The following HPSE2 variants were observed in gnomAD, a reference collection of about 807,000 sequenced individuals.
The protein encoded by HPSE2 is heparanase 2 (inactive), also known as inactive heparanase-2.
HPSE2 carries 38 observed loss-of-function variants against 60.5 expected under a neutral mutation model. The ratio of observed to expected loss-of-function variants is 0.63; its 90% CI spans 0.48 to 0.82. The LOEUF (loss-of-function observed/expected upper bound fraction) is 0.82, where lower values mean the gene tolerates loss of function less well. HPSE2 is among the 40% of genes least tolerant of loss of function. The pLI is 0.00. For synonymous variants in HPSE2, 295 were observed against 293.2 expected (o/e 1.01, Z -0.06); for missense variants, 713 against 740.4 (o/e 0.96, Z 0.43).
chr10:99,120,398 GATA>G (rs1462786678), intron 3 of HPSE2, among the ~76,000 whole-genome samples: 3 of 151,708 alleles, frequency 2.0e-5, no homozygotes, highest in African/African-American at 4.8e-5. Flanking sequence ...CCATTTCAAA[GATA>G]ATAACAGTCA....
chr10:99,208,800 T>C (rs1164461391), intron 2 of HPSE2, among the ~76,000 whole-genome samples: 3 of 151,306 alleles, frequency 2.0e-5, no homozygotes, highest in Admixed American at 6.6e-5. Flanking sequence ...AGGCTGAAAA[T>C]GAGGGGATGA....
intron 4 of HPSE2, among the ~76,000 whole-genome samples, chr10:98,724,669 A>T: frequency 6.6e-6 from 1 of 152,136 alleles, no homozygotes; most frequent in East Asian, 1.9e-4. Flanking sequence ...GTGCATATAT[A>T]TTTAGGATAG....
rs983343139 is a variant in HPSE2, at chr10:98,770,648, C to T, written c.611-26592G>A. On this transcript the variant is annotated intron_variant, in intron 3 of 11. Coordinates refer to ENST00000370552, the MANE Select transcript of HPSE2 (RefSeq NM_021828.5). Reference sequence around the variant, plus strand: ...AGTCTAAGATGCCTTCCCTTCTCCTCGCCTCCCCTTCCCCCAACCACAGAC... The same window carrying T: ...AGTCTAAGATGCCTTCCCTTCTCCTTGCCTCCCCTTCCCCCAACCACAGAC... 5.3e-5 allele frequency among the ~76,000 whole-genome samples: 8 copies of T among 152,076 alleles called. No homozygotes were observed. The South Asian group carries it at 8.3e-4, about 16-fold the overall frequency.
the HPSE2 span, among the ~76,000 whole-genome samples, chr10:99,249,751 G>A: frequency 6.6e-6 from 1 of 152,142 alleles, no homozygotes; most frequent in Non-Finnish European, 1.5e-5. Flanking sequence ...CCCAATTTTG[G>A]ATGAAAGGCC....
At chr10:99,234,566 C>T (rs1283782166) in intron 1 of HPSE2, among the ~76,000 whole-genome samples, 1 of 152,184 alleles carries the variant, frequency 6.6e-6, no homozygotes. Flanking sequence ...TTTTACACTG[C>T]AACTCTGTCC....
chr10:98,668,493 A>G (rs1410983262), intron 6 of HPSE2, among the ~76,000 whole-genome samples: 1 of 152,106 alleles, frequency 6.6e-6, no homozygotes, highest in East Asian at 1.9e-4. Context: ...CAGAGACATA[A>G]TGTTACCCAA....
intron 4 of HPSE2, among the ~76,000 whole-genome samples, chr10:98,738,555 G>A (rs1949415208): frequency 6.6e-6 from 1 of 152,146 alleles, no homozygotes; most frequent in Non-Finnish European, 1.5e-5. Flanking sequence ...CAGAATGAGA[G>A]AAAATTTTTG....
chr10:98,600,725 G>T, intron 9 of HPSE2, among the ~76,000 whole-genome samples: 1 of 115,216 alleles, frequency 8.7e-6, no homozygotes, highest in Non-Finnish European at 2.1e-5. Context: ...TATACTAATA[G>T]GATATATATG....
At chr10:98,921,833 CACCT>C (rs927735704) in intron 3 of HPSE2, among the ~76,000 whole-genome samples, 1 of 152,118 alleles carries the variant, frequency 6.6e-6, no homozygotes, top group Non-Finnish European at 1.5e-5. Context: ...GGAGTTCTGT[CACCT>C]ACACTCTTGT....
intron 2 of HPSE2, among the ~76,000 whole-genome samples, chr10:99,210,560 G>A (rs1161062830): frequency 1.3e-5 from 2 of 152,136 alleles, no homozygotes; most frequent in African/African-American, 4.8e-5. Context: ...CACATTAAGA[G>A]AATCATTCAC....
At chr10:98,967,506 A>C (rs562552558) in intron 3 of HPSE2, among the ~76,000 whole-genome samples, 37 of 152,178 alleles carry the variant, frequency 2.4e-4, no homozygotes, top group Admixed American at 1.3e-4. Flanking sequence ...AGCTCATGAG[A>C]TATTTGTACG....
At chr10:98,932,319 C>T (rs953660644) in intron 3 of HPSE2, among the ~76,000 whole-genome samples, 2 of 143,946 alleles carry the variant, frequency 1.4e-5, no homozygotes, top group Non-Finnish European at 3.0e-5. Flanking sequence ...GGGATAAAAC[C>T]GACCTGATCA....
intron 8 of HPSE2, among the ~76,000 whole-genome samples, chr10:98,619,678 G>T (rs1946020273): frequency 6.6e-6 from 1 of 152,072 alleles, no homozygotes; most frequent in Non-Finnish European, 1.5e-5. Context: ...CTGCTCCTCT[G>T]TGCCTTTGCT....
At chr10:98,950,253 G>A (rs778847502) in intron 3 of HPSE2, among the ~76,000 whole-genome samples, 4 of 152,068 alleles carry the variant, frequency 2.6e-5, no homozygotes, top group Non-Finnish European at 1.5e-5. Flanking sequence ...GTGATAACCC[G>A]TATGTTTTGC....
chr10:98,574,018 C>G (rs1944573959), intron 9 of HPSE2, among the ~76,000 whole-genome samples: 1 of 152,090 alleles, frequency 6.6e-6, no homozygotes, highest in East Asian at 1.9e-4. Context: ...AAAAGAAACC[C>G]TGCATCCCTC....
intron 6 of HPSE2, among the ~76,000 whole-genome samples, chr10:98,663,169 C>T (rs1040394365): frequency 6.6e-6 from 1 of 152,138 alleles, no homozygotes; most frequent in Non-Finnish European, 1.5e-5. Flanking sequence ...CAGTCTTCAC[C>T]AATCTTCCTT....
intron 3 of HPSE2, among the ~76,000 whole-genome samples, chr10:98,763,407 T>C (rs929992022): frequency 2.0e-5 from 3 of 151,850 alleles, no homozygotes; most frequent in Non-Finnish European, 4.4e-5. Context: ...CCCAGACACA[T>C]AATCATAAAA....
the HPSE2 span, among the ~76,000 whole-genome samples, chr10:99,250,447 T>C: frequency 3.3e-5 from 5 of 152,214 alleles, no homozygotes; most frequent in Non-Finnish European, 5.9e-5. Context: ...TATTAGATCA[T>C]TGAGGCACAA....
At chr10:98,948,704 C>T (rs937980943) in intron 3 of HPSE2, among the ~76,000 whole-genome samples, 2 of 152,020 alleles carry the variant, frequency 1.3e-5, no homozygotes, top group African/African-American at 4.8e-5. Context: ...TTTCCTGCCA[C>T]ACCTTCTACC....
Sources: gnomAD v4.1 joint callset for allele counts (sites outside exome capture counted in the v4.1 genomes callset) on GRCh38, gnomAD v4.1.1 for gene constraint, MANE v1.5 for transcripts, NCBI Gene and HGNC (gene_info 2026-07-23, HGNC 2026-07-21) for gene names.